CCM2: variants seen among roughly 807,000 people sequenced by gnomAD.
CCM2 encodes the protein cerebral cavernous malformations 2 protein.
In CCM2, 25 loss-of-function variants were observed where a neutral mutation model predicts 44.9. The ratio of observed to expected loss-of-function variants is 0.56; its 90% CI spans 0.41 to 0.78. CCM2 has a LOEUF of 0.78. Ranked by LOEUF, CCM2 falls within the 30% of genes least tolerant of loss-of-function variation. The pLI is 0.00. For missense variants in CCM2, 481 were observed against 580.6 expected (o/e 0.83, Z 1.76); for synonymous variants, 219 against 241.1 (o/e 0.91, Z 0.85).
rs1679301552 is a variant in CCM2 at position 45,074,325 on chromosome 7, A to G, written c.971A>G (p.Glu324Gly). Residue 324 changes from glutamate to glycine, a missense_variant, in exon 9 of 10, where the codon GAG becomes GGG. Transcript: ENST00000258781. The part of the protein sequence containing the change: ...EIQQFAALLH[E>G]YRNGASIHEF... ...CAGCAGTTTGCAGCACTGCTGCACG[A>G]GTACCGCAATGGGGCCTCTATCCAC... The G allele has an allele frequency of 6.2e-7, 1 of 1,613,686 alleles. No individual in the cohort carries two copies. Among genetic ancestry groups the G allele is most frequent in the South Asian group, 1.1e-5 (1 of 91,096 alleles).
intron 8 of CCM2, 85 bp downstream of exon 8, chr7:45,073,656 G>C: frequency 1.1e-6 from 1 of 922,248 alleles, no homozygotes; most frequent in Non-Finnish European, 1.7e-6. Context: ...AGGAGGAGGA[G>C]CAGTGCAGGG....
chr7:45,013,452 G>C (rs1206126881), intron 1 of CCM2, among the ~76,000 whole-genome samples: 1 of 151,928 alleles, frequency 6.6e-6, no homozygotes, highest in African/African-American at 2.4e-5. Context: ...GATCCCTCAA[G>C]TGTTAACATT....
intron 1 of CCM2, chr7:45,027,382 G>A: frequency 2.3e-6 from 1 of 431,450 alleles, no homozygotes; most frequent in Non-Finnish European, 4.3e-6. Flanking sequence ...GCAGAATGGT[G>A]GACTTTGAAA....
At position 45,076,069 on chromosome 7, in the gene CCM2, T is replaced by G. The variant is rs773523983; in HGVS notation, c.*12T>G. 9.3e-6 allele frequency: 15 copies of G among 1,612,476 alleles called. No individual in the cohort carries two copies. Among genetic ancestry groups the G allele is most frequent in the Admixed American group, 6.7e-5 (4 of 59,978 alleles). ...AGGACTCAGCATGATGGACAGTGGA[T>G]GGGGGGGCACCCACACCTTCCGCGC... On this transcript the variant is annotated 3_prime_UTR_variant, in exon 10 of 10. Transcript: ENST00000258781.
intron 1 of CCM2, among the ~76,000 whole-genome samples, chr7:45,024,375 G>A (rs143417872): frequency 5.1e-4 from 78 of 152,238 alleles, no homozygotes; most frequent in African/African-American, 1.5e-3. Flanking sequence ...TGTTTTTATC[G>A]TCAAGAACTT....
At chr7:45,027,854 T>G (rs955856465) in intron 1 of CCM2, 157 of 1,578,898 alleles carry the variant, frequency 9.9e-5, no homozygotes, top group Non-Finnish European at 1.3e-4. Flanking sequence ...TGTGAGTCCC[T>G]TGTGGGTGGC....
intron 2 of CCM2, among the ~76,000 whole-genome samples, chr7:45,055,566 G>A (rs1375551555): frequency 2.6e-5 from 4 of 152,086 alleles, no homozygotes; most frequent in South Asian, 4.1e-4. Context: ...ACGGGTGCCC[G>A]TAATCCGAGC....
chr7:45,032,756 G>A (rs1421704511), intron 1 of CCM2, among the ~76,000 whole-genome samples: 1 of 152,022 alleles, frequency 6.6e-6, no homozygotes, highest in Non-Finnish European at 1.5e-5. Context: ...AAGAGCCAAG[G>A]GCAGCCAGGC....
intron 1 of CCM2, among the ~76,000 whole-genome samples, chr7:45,034,753 T>C (rs996354649): frequency 2.6e-5 from 4 of 152,006 alleles, no homozygotes; most frequent in Admixed American, 1.3e-4. Flanking sequence ...ACTCCTGACC[T>C]CAAGTGATCT....
intron 6 of CCM2, 82 bp from the exon 7 acceptor site, chr7:45,072,643 TA>T (rs1799135180): frequency 9.4e-7 from 1 of 1,068,644 alleles, no homozygotes; most frequent in Non-Finnish European, 1.5e-6. Context: ...CTGTCTCCTG[TA>T]AATACAGCAG....
At chr7:45,036,100 A>G (rs551897142) in intron 1 of CCM2, among the ~76,000 whole-genome samples, 3 of 152,210 alleles carry the variant, frequency 2.0e-5, no homozygotes, top group African/African-American at 7.2e-5. Context: ...CATGCCTAGG[A>G]CCTGAGGAAC....
At chr7:45,063,365 C>G (rs771867729) in intron 2 of CCM2, 2 of 160,914 alleles carry the variant, frequency 1.2e-5, no homozygotes, top group Non-Finnish European at 2.7e-5. Flanking sequence ...AGCCACCGCA[C>G]CTGGCCTAAT....
At chr7:45,042,968 C>CTTTTTT (rs35874377) in intron 2 of CCM2, among the ~76,000 whole-genome samples, 1 of 134,624 alleles carries the variant, frequency 7.4e-6, no homozygotes, top group Non-Finnish European at 1.6e-5. Context: ...TCTTCTTCTT[C>CTTTTTT]TTTTTTTTTT....
At chr7:45,062,755 A>T (rs1798582880) in intron 2 of CCM2, among the ~76,000 whole-genome samples, 1 of 150,946 alleles carries the variant, frequency 6.6e-6, no homozygotes, top group African/African-American at 2.4e-5. Context: ...TGAGCCTGGG[A>T]GGCAGAGGTT....
At chr7:45,060,730 T>C (rs2128745384) in intron 2 of CCM2, among the ~76,000 whole-genome samples, 1 of 152,266 alleles carries the variant, frequency 6.6e-6, no homozygotes, top group East Asian at 1.9e-4. Flanking sequence ...TTGAGCTTGT[T>C]GAAGGCAGTC....
chr7:45,010,345 C>G (rs1360676620), intron 1 of CCM2, among the ~76,000 whole-genome samples: 1 of 152,144 alleles, frequency 6.6e-6, no homozygotes, highest in Non-Finnish European at 1.5e-5. Context: ...TTAGAAAGTC[C>G]TTCCCCCAAG....
intron 1 of CCM2, among the ~76,000 whole-genome samples, chr7:45,010,610 TTTTTGAGATGGA>T (rs1796029860): frequency 6.6e-6 from 1 of 152,152 alleles, no homozygotes; most frequent in Admixed American, 6.6e-5. Flanking sequence ...TATATATATT[TTTTTGAGATGGA>T]GTTTTGCTCT....
chr7:45,019,732 A>G (rs1796408074), intron 1 of CCM2, among the ~76,000 whole-genome samples: 2 of 152,014 alleles, frequency 1.3e-5, no homozygotes, highest in South Asian at 2.1e-4. Context: ...ACAGGCATGC[A>G]CTATCTGGCT....
chr7:45,052,678 C>T (rs532181266), intron 2 of CCM2, among the ~76,000 whole-genome samples: 1 of 152,268 alleles, frequency 6.6e-6, no homozygotes, highest in African/African-American at 2.4e-5. Flanking sequence ...ATAAAGATTC[C>T]ATTTAGCTCA....
Sources: allele counts gnomAD v4.1 joint callset (sites outside exome capture counted in the v4.1 genomes callset), GRCh38; gene constraint gnomAD v4.1.1; transcripts MANE v1.5; gene names NCBI Gene and HGNC (gene_info 2026-07-23, HGNC 2026-07-21).